Variants in DCC observed in about 807,000 individuals in gnomAD.
DCC encodes the protein DCC netrin 1 receptor, also known as netrin receptor DCC.
Under a neutral mutation model 172.5 loss-of-function variants are expected in DCC, and 58 were observed. The observed-to-expected ratio is 0.34, with a 90% CI of 0.27 to 0.42. The LOEUF is 0.42. Ranked by LOEUF, DCC falls within the 10% of genes least tolerant of loss-of-function variation. The pLI is 1.00. For synonymous variants in DCC, 709 were observed against 644.5 expected (o/e 1.10, Z -1.52); for missense variants, 1,740 against 1,791.0 (o/e 0.97, Z 0.51).
chr18:53,061,908 G>A (rs1053905369), intron 5 of DCC, among the ~76,000 whole-genome samples: 1 of 152,088 alleles, frequency 6.6e-6, no homozygotes, highest in Non-Finnish European at 1.5e-5. Context: ...GGTATTAAAT[G>A]AACCCTTGAC....
chr18:52,799,938 T>G (rs914905241), intron 2 of DCC, among the ~76,000 whole-genome samples: 3 of 152,226 alleles, frequency 2.0e-5, no homozygotes, highest in African/African-American at 7.2e-5. Context: ...TTTTTTCCAC[T>G]TGACGGGGAA....
At chr18:53,416,617 A>C (rs1910325409) in intron 21 of DCC, 1 of 204,060 alleles carries the variant, frequency 4.9e-6, no homozygotes, top group African/African-American at 2.3e-5. Flanking sequence ...AAGTTGGGTC[A>C]CCTTTTTTAG....
chr18:52,966,623 G>T (rs756929399), intron 5 of DCC, among the ~76,000 whole-genome samples: 1 of 152,050 alleles, frequency 6.6e-6, no homozygotes, highest in Non-Finnish European at 1.5e-5. Context: ...ATTCTTGGGG[G>T]CTTTTCTCCA....
chr18:52,516,787 A>AT (rs1351006498), intron 1 of DCC, among the ~76,000 whole-genome samples: 1 of 152,114 alleles, frequency 6.6e-6, no homozygotes, highest in Non-Finnish European at 1.5e-5. Flanking sequence ...ATCTGATTAT[A>AT]TTGTCTTTTG....
At chr18:52,636,696 C>T (rs554005306) in intron 1 of DCC, among the ~76,000 whole-genome samples, 60 of 152,234 alleles carry the variant, frequency 3.9e-4, no homozygotes, top group African/African-American at 1.3e-3. Context: ...AACTCAGACA[C>T]GCCTAGACTC....
intron 1 of DCC, among the ~76,000 whole-genome samples, chr18:52,499,584 C>A (rs1052653072): frequency 2.6e-5 from 4 of 152,104 alleles, no homozygotes; most frequent in African/African-American, 9.7e-5. Flanking sequence ...TATTTGGCAG[C>A]CATCATTAAC....
chr18:52,589,211 G>A (rs1200369433), intron 1 of DCC, among the ~76,000 whole-genome samples: 2 of 152,140 alleles, frequency 1.3e-5, no homozygotes, highest in Admixed American at 6.5e-5. Flanking sequence ...GAGACAGCTT[G>A]ACAAAAGCAA....
chr18:53,476,565 GC>G (rs1286050377), intron 25 of DCC, among the ~76,000 whole-genome samples: 4 of 152,092 alleles, frequency 2.6e-5, no homozygotes, highest in Admixed American at 1.3e-4. Flanking sequence ...TGATTGTGAG[GC>G]CTTCCCAGCC....
At chr18:52,983,915 T>C (rs1598997838) in intron 5 of DCC, among the ~76,000 whole-genome samples, 1 of 152,110 alleles carries the variant, frequency 6.6e-6, no homozygotes, top group African/African-American at 2.4e-5. Context: ...CCTGCACTTA[T>C]TTTTTTCATA....
At chr18:53,415,399 A>G (rs1345565668) in intron 20 of DCC, among the ~76,000 whole-genome samples, 3 of 152,172 alleles carry the variant, frequency 2.0e-5, no homozygotes, top group African/African-American at 7.2e-5. Flanking sequence ...AGGGAAGCTT[A>G]TGAAGATCTG....
intron 2 of DCC, among the ~76,000 whole-genome samples, chr18:52,785,326 T>C (rs1365580999): frequency 6.6e-6 from 1 of 152,096 alleles, no homozygotes; most frequent in Non-Finnish European, 1.5e-5. Context: ...AGCTCTACTT[T>C]ATAGGCTGCT....
At chr18:53,304,134 C>T (rs1033308490) in intron 12 of DCC, among the ~76,000 whole-genome samples, 1 of 152,044 alleles carries the variant, frequency 6.6e-6, no homozygotes, top group African/African-American at 2.4e-5. Context: ...GCTTGTGGAG[C>T]CTGGGGTTTG....
intron 12 of DCC, among the ~76,000 whole-genome samples, chr18:53,294,796 G>A (rs1037394243): frequency 6.6e-6 from 1 of 152,140 alleles, no homozygotes; most frequent in Non-Finnish European, 1.5e-5. Flanking sequence ...CATAACCAGG[G>A]AAAGGATTCT....
chr18:52,834,678 G>A (rs2145302920), intron 2 of DCC, among the ~76,000 whole-genome samples: 1 of 152,172 alleles, frequency 6.6e-6, no homozygotes, highest in African/African-American at 2.4e-5. Context: ...ACCATTTACT[G>A]CTTAGAATCA....
chr18:52,780,119 G>T (rs78062210), intron 2 of DCC, among the ~76,000 whole-genome samples: 8,041 of 151,984 alleles, frequency 0.053, 288 homozygotes, highest in South Asian at 0.16. Context: ...ATAGCTTTCT[G>T]CAGGTTCATT....
At chr18:52,814,594 T>C (rs905581661) in intron 2 of DCC, among the ~76,000 whole-genome samples, 1 of 152,104 alleles carries the variant, frequency 6.6e-6, no homozygotes, top group Admixed American at 6.6e-5. Flanking sequence ...TGCTAAATAA[T>C]AGGCAAAAAA....
chr18:53,151,842 CA>C, intron 7 of DCC, among the ~76,000 whole-genome samples: 1 of 149,668 alleles, frequency 6.7e-6, no homozygotes, highest in African/African-American at 2.4e-5. Flanking sequence ...AATATTATTT[CA>C]TTTTAAGTTT....
intron 5 of DCC, among the ~76,000 whole-genome samples, chr18:53,038,479 C>T (rs1008282708): frequency 2.0e-5 from 3 of 151,906 alleles, no homozygotes; most frequent in Non-Finnish European, 4.4e-5. Flanking sequence ...GGCTTCAACA[C>T]GCAAAGTTTA....
At chr18:52,689,479 A>G (rs996013238) in intron 1 of DCC, among the ~76,000 whole-genome samples, 37 of 152,110 alleles carry the variant, frequency 2.4e-4, no homozygotes, top group African/African-American at 8.0e-4. Context: ...CAGGTTCCAG[A>G]GAATACTTAT....
Sources: gnomAD v4.1 joint callset for allele counts (sites outside exome capture counted in the v4.1 genomes callset) on GRCh38, gnomAD v4.1.1 for gene constraint, MANE v1.5 for transcripts, NCBI Gene and HGNC (gene_info 2026-07-23, HGNC 2026-07-21) for gene names.